The following DGKD variants were observed in gnomAD, a reference collection of about 807,000 sequenced individuals.
DGKD encodes diacylglycerol kinase delta.
Under a neutral mutation model 154.4 loss-of-function variants are expected in DGKD, and 68 were observed. The observed-to-expected ratio is 0.44, with a 90% CI of 0.36 to 0.54. DGKD has a LOEUF of 0.54. Ranked by LOEUF, DGKD falls within the 20% of genes least tolerant of loss-of-function variation. The pLI is 0.00. For synonymous variants in DGKD, 693 were observed against 638.0 expected (o/e 1.09, Z -1.30); for missense variants, 1,343 against 1,593.6 (o/e 0.84, Z 2.68).
chr2:233,421,105 G>A (rs930141425), intron 3 of DGKD, among the ~76,000 whole-genome samples: 1 of 152,138 alleles, frequency 6.6e-6, no homozygotes, highest in Admixed American at 6.5e-5. Flanking sequence ...AGGGCAAGAT[G>A]AAGACCTCAT....
chr2:233,354,797 G>A lies in DGKD; in HGVS notation c.156+123G>A. 2 of 466,366 alleles carry A rather than the reference G, an allele frequency of 4.3e-6. No homozygotes were observed. Among genetic ancestry groups the A allele is most frequent in the Non-Finnish European group, 5.6e-6 (2 of 359,014 alleles). The allele number at this position is 466,366 out of a possible 1,614,324, so 28.9% of individuals were successfully genotyped here. Reference sequence around the variant, plus strand: ...CTCGGCCCGGCCCGGGGTCCCGCGGGCGTCACCGCCCCTGTCGAGCGTGCC... The same window carrying A: ...CTCGGCCCGGCCCGGGGTCCCGCGGACGTCACCGCCCCTGTCGAGCGTGCC... On this transcript the variant is annotated intron_variant, in intron 1 of 29. Coordinates refer to ENST00000264057, the MANE Select transcript of DGKD (RefSeq NM_152879.3). The surrounding 1 kb of genome is among the most constrained non-coding windows in gnomAD (Gnocchi z 4.8).
chr2:233,377,804 G>T (rs974013137), intron 1 of DGKD, among the ~76,000 whole-genome samples: 1 of 151,880 alleles, frequency 6.6e-6, no homozygotes, highest in Non-Finnish European at 1.5e-5. Context: ...TGCCTCTTTG[G>T]TTTTTTTGTT....
At position 233,354,701 on chromosome 2, in the gene DGKD, C is replaced by T; in HGVS notation, c.156+27C>T. On this transcript the variant is annotated intron_variant, in intron 1 of 29. Coordinates refer to ENST00000264057, the MANE Select transcript of DGKD (RefSeq NM_152879.3). This position sits in a 1 kb window ranked among gnomAD's most constrained non-coding sequence, Gnocchi z 4.8. ...TGAGCCCGCGGCGCGGCGGCCCGGG[C>T]GCGCGCCCCTCACGCCGCGGCAGCC... 6 of 980,940 alleles carry T rather than the reference C, an allele frequency of 6.1e-6. No homozygotes were observed. The highest frequency in any genetic ancestry group is 6.0e-6 in the Non-Finnish European group (5 of 827,852). 60.8% of individuals were successfully genotyped at this position (980,940 alleles called of 1,614,324 possible).
chr2:233,370,437 C>T (rs1702252678), intron 1 of DGKD, among the ~76,000 whole-genome samples: 1 of 151,990 alleles, frequency 6.6e-6, no homozygotes, highest in Non-Finnish European at 1.5e-5. Flanking sequence ...GCTGGTCTCC[C>T]AATTCCTGAC....
chr2:233,379,342 A>G (rs1702761855), intron 1 of DGKD, among the ~76,000 whole-genome samples: 1 of 152,122 alleles, frequency 6.6e-6, no homozygotes, highest in Admixed American at 6.5e-5. Flanking sequence ...GGGAAATAAA[A>G]GGAGTTGGTT....
chr2:233,461,361 G>C (rs1011147645), intron 24 of DGKD, among the ~76,000 whole-genome samples: 5 of 152,256 alleles, frequency 3.3e-5, no homozygotes, highest in Admixed American at 3.3e-4. Context: ...CAGGCAGCCT[G>C]CCCAGCCCTG....
rs2062777941 is a variant in DGKD, at chr2:233,438,629, T to G, written c.1085+250T>G. The stretch of plus-strand genomic sequence containing the variant: ...ATGTACACACACCCATGCACGTGCA[T>G]CTTTTGAGCCAATCAGGATTCTTCT... On this transcript the variant is annotated intron_variant, in intron 9 of 29. Coordinates refer to ENST00000264057, the MANE Select transcript of DGKD (RefSeq NM_152879.3). This position sits in a 1 kb window ranked among gnomAD's most constrained non-coding sequence, Gnocchi z 4.1. Among the ~76,000 whole-genome samples the G allele has an allele frequency of 6.6e-6, 1 of 152,214 alleles. No homozygotes were observed. Among genetic ancestry groups the G allele is most frequent in the African/African-American group, 2.4e-5 (1 of 41,454 alleles).
In DGKD at chr2:233,450,851, G is replaced by A. The variant is rs571745349; in HGVS notation, c.2039-71G>A. On this transcript the variant is annotated intron_variant, in intron 16 of 29. Transcript: ENST00000264057. ...CTCAGCCCTCCCACCTGCTCGTGTC[G>A]CTAAGGACCCCCCAGGATTTCACAG... The A allele has an allele frequency of 6.5e-6, 10 of 1,544,602 alleles. No individual in the cohort carries two copies. The African/African-American group carries it at 8.1e-5, about 13-fold the overall frequency.
rs1315203580 is a variant in DGKD at position 233,449,645 on chromosome 2, G to A, written c.1888+269G>A. 6.6e-6 allele frequency among the ~76,000 whole-genome samples: 1 copy of A among 152,092 alleles called. No homozygotes were observed. Among genetic ancestry groups the A allele is most frequent in the African/African-American group, 2.4e-5 (1 of 41,432 alleles). On this transcript the variant is annotated intron_variant, in intron 15 of 29. Coordinates refer to ENST00000264057, the MANE Select transcript of DGKD (RefSeq NM_152879.3). The surrounding 1 kb of genome is among the most constrained non-coding windows in gnomAD (Gnocchi z 5.3). ...CACTATAAGCGTCTCACTCCCGTGA[G>A]AGCCTTGAGGTCACGGCCTCACACC...
At chr2:233,403,068 G>A (rs139851356) in intron 3 of DGKD, among the ~76,000 whole-genome samples, 314 of 152,212 alleles carry the variant, frequency 2.1e-3, no homozygotes, top group African/African-American at 7.3e-3. Flanking sequence ...ATGTGGGGAC[G>A]GGTCCCTTTT....
At chr2:233,367,185 A>G (rs1405575418) in intron 1 of DGKD, among the ~76,000 whole-genome samples, 3 of 150,182 alleles carry the variant, frequency 2.0e-5, no homozygotes, top group Non-Finnish European at 4.4e-5. Context: ...TGCCTATAAC[A>G]TCAACTTTTT....
chr2:233,397,935 G>T (rs1014512149), intron 3 of DGKD, among the ~76,000 whole-genome samples: 1 of 151,912 alleles, frequency 6.6e-6, no homozygotes, highest in African/African-American at 2.4e-5. Context: ...GCTGTGGGGT[G>T]GTGGGGGAGG....
chr2:233,431,534 G>A (rs1318235223), intron 3 of DGKD, among the ~76,000 whole-genome samples: 1 of 152,164 alleles, frequency 6.6e-6, no homozygotes, highest in Non-Finnish European at 1.5e-5. Flanking sequence ...AAATTCTCCT[G>A]ATGAAAAATT....
intron 3 of DGKD, among the ~76,000 whole-genome samples, chr2:233,410,712 G>A (rs1382468130): frequency 6.6e-6 from 1 of 152,096 alleles, no homozygotes; most frequent in East Asian, 1.9e-4. Context: ...TTTGTGACTT[G>A]AGACATAATT....
In DGKD at chr2:233,447,138, G is replaced by A. The variant is rs577824524; in HGVS notation, c.1419+342G>A. Among the ~76,000 whole-genome samples, 13 of 148,732 alleles carry A rather than the reference G, an allele frequency of 8.7e-5. No homozygotes were observed. In the East Asian group the frequency reaches 1.6e-3, roughly 18 times the overall value. ...GTGCGCGCCCGTTCCCTCCCCCGCC[G>A]CGGTGCCCACGTGCCTGGAATGCTC... On this transcript the variant is annotated intron_variant, in intron 12 of 29. Coordinates refer to ENST00000264057, the MANE Select transcript of DGKD (RefSeq NM_152879.3).
rs543017888 is a variant in DGKD, at chr2:233,440,739, T to A, written c.1086-1148T>A. 6.6e-6 allele frequency among the ~76,000 whole-genome samples: 1 copy of A among 152,098 alleles called. No homozygotes were observed. The highest frequency in any genetic ancestry group is 1.5e-5 in the Non-Finnish European group (1 of 68,016). ...AAGAGGTTCGACTCCTTCCTGCAAA[T>A]GAGGGGCAGCCTCATAAAGCAAGGC... On this transcript the variant is annotated intron_variant, in intron 9 of 29. Transcript: ENST00000264057. This position sits in a 1 kb window ranked among gnomAD's most constrained non-coding sequence, Gnocchi z 4.9.
chr2:233,414,036 GGGA>G (rs1476769913), intron 3 of DGKD, among the ~76,000 whole-genome samples: 5 of 152,206 alleles, frequency 3.3e-5, no homozygotes, highest in Admixed American at 1.3e-4. Context: ...TTCTAGATGA[GGGA>G]GGACAATTCC....
At position 233,458,612 on chromosome 2, in the gene DGKD, A is replaced by AT. The variant is rs1181817947; in HGVS notation, c.2694+232dup. 0.1 allele frequency among the ~76,000 whole-genome samples: 14,174 copies of AT among 140,090 alleles called. 887 individuals carry two copies. The highest frequency in any genetic ancestry group is 0.15 in the Middle Eastern group (41 of 274). 91.9% of individuals were successfully genotyped at this position (140,090 alleles called of 152,430 possible). Reference sequence around the variant, plus strand: ...TAAATTCTCAAGATAACTCTTTTTAATTTTTTTTTTTTTTTTTGAGACAGA... The same window carrying AT: ...TAAATTCTCAAGATAACTCTTTTTAATTTTTTTTTTTTTTTTTTGAGACAGA... On this transcript the variant is annotated intron_variant, in intron 22 of 29. Coordinates refer to ENST00000264057, the MANE Select transcript of DGKD (RefSeq NM_152879.3). This position sits in a 1 kb window ranked among gnomAD's most constrained non-coding sequence, Gnocchi z 6.6.
At chr2:233,424,704 CAGCTCATTTGCTGTGG>C (rs1343043434) in intron 3 of DGKD, among the ~76,000 whole-genome samples, 1 of 152,220 alleles carries the variant, frequency 6.6e-6, no homozygotes, top group Non-Finnish European at 1.5e-5. Context: ...CTGGCCACAT[CAGCTCATTTGCTGTGG>C]GACTGTGAGC....
Sources: gnomAD v4.1 joint callset for allele counts (sites outside exome capture counted in the v4.1 genomes callset) on GRCh38, gnomAD v4.1.1 for gene constraint, Gnocchi (gnomAD v3.1) non-coding constraint, MANE v1.5 for transcripts, NCBI Gene and HGNC (gene_info 2026-07-23, HGNC 2026-07-21) for gene names.